The following PDE8A variants were observed in gnomAD, a reference collection of about 807,000 sequenced individuals.
PDE8A encodes the protein phosphodiesterase 8A, also known as high affinity cAMP-specific and IBMX-insensitive 3',5'-cyclic phosphodiesterase 8A.
PDE8A carries 59 observed loss-of-function variants against 105.0 expected under a neutral mutation model. That is an observed-to-expected ratio of 0.56 (90% CI 0.46 to 0.70). The LOEUF (loss-of-function observed/expected upper bound fraction) is 0.70, where lower values mean the gene tolerates loss of function less well. PDE8A is among the 30% of genes least tolerant of loss of function. The pLI, the probability that PDE8A is intolerant of heterozygous loss-of-function variation, is 0.00. For synonymous variants in PDE8A, 355 were observed against 371.9 expected (o/e 0.95, Z 0.52); for missense variants, 1,014 against 1,045.9 (o/e 0.97, Z 0.42).
At chr15:85,132,592 A>G (rs998501238) in intron 20 of PDE8A, among the ~76,000 whole-genome samples, 6 of 152,066 alleles carry the variant, frequency 3.9e-5, no homozygotes, top group Non-Finnish European at 5.9e-5. Flanking sequence ...CAGCCTCCCA[A>G]GTAGCTGGGA....
intron 1 of PDE8A, among the ~76,000 whole-genome samples, chr15:85,061,308 A>G (rs542402738): frequency 1.4e-4 from 22 of 151,828 alleles, no homozygotes; most frequent in African/African-American, 5.3e-4. Flanking sequence ...GTCTCGGCTC[A>G]CTGCAACTTC....
chr15:84,996,818 T>C (rs1193981927), intron 1 of PDE8A, among the ~76,000 whole-genome samples: 3 of 65,540 alleles, frequency 4.6e-5, no homozygotes, highest in Admixed American at 2.4e-4. Context: ...AGAGCAAGAC[T>C]CTCTCAAAAA....
At chr15:84,999,825 C>G (rs528004802) in intron 1 of PDE8A, among the ~76,000 whole-genome samples, 4 of 152,194 alleles carry the variant, frequency 2.6e-5, no homozygotes, top group East Asian at 3.9e-4. Context: ...TCACCTGCCT[C>G]GGCCTCCCAA....
chr15:85,117,450 A>G (rs962126583), intron 16 of PDE8A, among the ~76,000 whole-genome samples, 191 bp from the exon 17 acceptor site: 3 of 152,164 alleles, frequency 2.0e-5, no homozygotes, highest in Non-Finnish European at 4.4e-5. Context: ...CCCGTGCATC[A>G]TGGTCCCCTG....
Position 85,116,106 on chromosome 15 carries a change from G to GCTATTTTGAACTGTC in PDE8A, c.1523_1524insTATTTTGAACTGTCC (p.Ala508_Thr509insIleLeuAsnCysPro). ...CTTTGATATTTTTGAACTGGAGGCT[G>GCTATTTTGAACTGTC]CCACCCACAATAGGTGAGTTCATGC... On this transcript the variant is annotated inframe_insertion, in exon 16 of 22. Transcript: ENST00000394553. 1 of 1,614,008 alleles carries GCTATTTTGAACTGTC rather than the reference G, an allele frequency of 6.2e-7. No homozygotes were observed. The highest frequency in any genetic ancestry group is 8.5e-7 in the Non-Finnish European group (1 of 1,179,912).
chr15:85,064,625 T>G (rs987783196), intron 2 of PDE8A, among the ~76,000 whole-genome samples, 199 bp downstream of exon 2: 2 of 152,184 alleles, frequency 1.3e-5, no homozygotes, highest in Non-Finnish European at 2.9e-5. Flanking sequence ...TTGTGGTGTT[T>G]AGAGATGAAG....
At chr15:85,104,509 A>G (rs1027820753) in intron 11 of PDE8A, among the ~76,000 whole-genome samples, 12 of 152,182 alleles carry the variant, frequency 7.9e-5, no homozygotes, top group African/African-American at 2.9e-4. Context: ...AAGACAAAGT[A>G]ACTCCTGAAT....
rs2080495665 is a variant in PDE8A, at chr15:85,025,240, C to G, written c.187-39130C>G. Among the ~76,000 whole-genome samples the G allele has an allele frequency of 2.0e-5, 3 of 152,240 alleles. No individual in the cohort carries two copies. In the South Asian group the frequency reaches 6.2e-4, roughly 32 times the overall value. On this transcript the variant is annotated intron_variant, in intron 1 of 21. Transcript: ENST00000394553. Reference sequence around the variant, plus strand: ...TCCCCCAACCCTTACTCCCACTACCCCTTTGAACTGGATCACTTTGCTTTT... The same window carrying G: ...TCCCCCAACCCTTACTCCCACTACCGCTTTGAACTGGATCACTTTGCTTTT...
rs1412505670 is a variant in PDE8A at position 85,008,133 on chromosome 15, GT to G, written c.186+25786del. Reference sequence around the variant, plus strand: ...AGCCTCAGGGTATCTAGGAGTGACAGTGGGAGAGTCAGAAGCTGGCTCCCTC... The same window carrying G: ...AGCCTCAGGGTATCTAGGAGTGACAGGGGAGAGTCAGAAGCTGGCTCCCTC... On this transcript the variant is annotated intron_variant, in intron 1 of 21. Coordinates refer to ENST00000394553, the MANE Select transcript of PDE8A (RefSeq NM_002605.3). 4.6e-5 allele frequency among the ~76,000 whole-genome samples: 7 copies of G among 152,024 alleles called. No individual in the cohort carries two copies. In the East Asian group the frequency reaches 9.7e-4, roughly 21 times the overall value.
At chr15:85,116,163 G>A in intron 16 of PDE8A, 44 bp downstream of exon 16, 4 of 1,604,810 alleles carry the variant, frequency 2.5e-6, no homozygotes, top group Non-Finnish European at 3.4e-6. Context: ...TAGATTCCCA[G>A]GGCCTGTGTG....
intron 20 of PDE8A, among the ~76,000 whole-genome samples, chr15:85,135,512 C>A (rs752132679): frequency 4.2e-4 from 64 of 152,122 alleles, no homozygotes; most frequent in Non-Finnish European, 7.5e-4. Flanking sequence ...CCAGCCCACT[C>A]CTACCTCACT....
chr15:85,131,855 C>T (rs942044920), intron 20 of PDE8A, among the ~76,000 whole-genome samples: 1 of 152,056 alleles, frequency 6.6e-6, no homozygotes, highest in African/African-American at 2.4e-5. Flanking sequence ...GGACAGTTTG[C>T]CTGAATCAGA....
At chr15:85,124,453 C>G (rs66995431) in intron 19 of PDE8A, among the ~76,000 whole-genome samples, 14,033 of 152,202 alleles carry the variant, frequency 0.092, 1,761 homozygotes, top group African/African-American at 0.29. Flanking sequence ...CTCCCCAGCT[C>G]CTATCACCAT....
intron 11 of PDE8A, among the ~76,000 whole-genome samples, chr15:85,108,565 G>A (rs2081978014): frequency 6.6e-6 from 1 of 152,106 alleles, no homozygotes; most frequent in African/African-American, 2.4e-5. Flanking sequence ...TGAAAGGGAG[G>A]CAGATGAGCT....
At position 85,091,071 on chromosome 15, in the gene PDE8A, A is replaced by G. The variant is rs747239934; in HGVS notation, c.742A>G (p.Met248Val). ...QYANPAFETT[M>V]GYQSGELIGK... Reference sequence around the variant, plus strand: ...TGCAAATCCTGCATTTGAAACAACAATGGGCTATCAGTCAGGTGAATTAAT... The same window carrying G: ...TGCAAATCCTGCATTTGAAACAACAGTGGGCTATCAGTCAGGTGAATTAAT... The change falls in exon 8 of 22, where the codon ATG (methionine) becomes GTG (valine). Residue 248 changes from methionine (M) to valine (V), a missense_variant. Coordinates refer to ENST00000394553, the MANE Select transcript of PDE8A (RefSeq NM_002605.3). 36 of 1,611,676 alleles carry G rather than the reference A, an allele frequency of 2.2e-5. No individual in the cohort carries two copies. Among genetic ancestry groups the G allele is most frequent in the Middle Eastern group, 1.7e-4 (1 of 6,052 alleles).
chr15:84,991,254 A>G (rs1013285380), intron 1 of PDE8A, among the ~76,000 whole-genome samples: 5 of 152,210 alleles, frequency 3.3e-5, no homozygotes, highest in Non-Finnish European at 7.3e-5. Context: ...CATAGTACCA[A>G]TAAAGGATTA....
rs77582317 is a variant in PDE8A, at chr15:85,070,804, C to G, written c.434+3600C>G. Among the ~76,000 whole-genome samples the G allele has an allele frequency of 1.4e-4, 21 of 152,260 alleles. No homozygotes were observed. The East Asian group carries it at 3.7e-3, about 27-fold the overall frequency. On this transcript the variant is annotated intron_variant, in intron 3 of 21. Transcript: ENST00000394553. ...AGTTGAAACACTGATAGATTCTGCG[C>G]AGGAAAGTGTTGAGCAGGATAGAAA...
chr15:85,012,664 A>G lies in PDE8A; in HGVS notation c.186+30316A>G, dbSNP rs573916822. 7.2e-5 allele frequency among the ~76,000 whole-genome samples: 11 copies of G among 152,040 alleles called. No individual in the cohort carries two copies. The East Asian group carries it at 2.1e-3, about 29-fold the overall frequency. ...GTATACATATGTAACTAACCTGCACATTGTGCACATGTACCCTAAAACTTA... is the reference window on the plus strand; with the variant it reads ...GTATACATATGTAACTAACCTGCACGTTGTGCACATGTACCCTAAAACTTA... On this transcript the variant is annotated intron_variant, in intron 1 of 21. Coordinates refer to ENST00000394553, the MANE Select transcript of PDE8A (RefSeq NM_002605.3).
At position 85,137,996 on chromosome 15, in the gene PDE8A, G is replaced by A; in HGVS notation, c.*93G>A. 2.7e-6 allele frequency: 2 copies of A among 751,138 alleles called. No individual in the cohort carries two copies. The highest frequency in any genetic ancestry group is 2.2e-5 in the Admixed American group (1 of 45,672). 46.5% of individuals were successfully genotyped at this position (751,138 alleles called of 1,614,324 possible). A position where few individuals can be genotyped will look rare whatever the true frequency, so the allele number is the denominator to read the frequency against. On this transcript the variant is annotated 3_prime_UTR_variant, in exon 22 of 22. Transcript: ENST00000394553. The stretch of plus-strand genomic sequence containing the variant: ...GAGCTCCTTGGTCCTTTCAGTACTA[G>A]GCAGAACAGCCCCCGATCTGCATAG...
Sources: gnomAD v4.1 joint callset for allele counts (sites outside exome capture counted in the v4.1 genomes callset) on GRCh38, gnomAD v4.1.1 for gene constraint, MANE v1.5 for transcripts, NCBI Gene and HGNC (gene_info 2026-07-23, HGNC 2026-07-21) for gene names.